RPS6KA2: variants seen among roughly 807,000 people sequenced by gnomAD.
RPS6KA2 encodes the protein ribosomal protein S6 kinase A2.
RPS6KA2 carries 42 observed loss-of-function variants against 91.8 expected under a neutral mutation model. The ratio of observed to expected loss-of-function variants is 0.46; its 90% confidence interval spans 0.36 to 0.59. The LOEUF (loss-of-function observed/expected upper bound fraction) is 0.59. RPS6KA2 is among the 20% of genes least tolerant of loss of function. The probability of loss-of-function intolerance (pLI) is 0.00; values close to 1 mark genes in which losing one functional copy is unlikely to be tolerated. For missense variants in RPS6KA2, 798 were observed against 978.5 expected (o/e 0.82, Z 2.46); for synonymous variants, 414 against 393.6 (o/e 1.05, Z -0.61).
At chr6:166,517,455 G>GTTTTGTTT (rs1562550744) in intron 3 of RPS6KA2, among the ~76,000 whole-genome samples, 3 of 104,936 alleles carry the variant, frequency 2.9e-5, no homozygotes, top group African/African-American at 1.3e-4. Flanking sequence ...CTTTTGTTTT[G>GTTTTGTTT]TTTTTTTTTT....
At chr6:166,756,177 C>T (rs1287182426) in intron 2 of RPS6KA2, among the ~76,000 whole-genome samples, 1 of 152,074 alleles carries the variant, frequency 6.6e-6, no homozygotes, top group Non-Finnish European at 1.5e-5. Context: ...GTAGTCCCAG[C>T]TACTCGGGAG....
chr6:166,700,446 T>TA lies in RPS6KA2; in HGVS notation c.123+157753dup, dbSNP rs1299739953. 1.1e-4 allele frequency among the ~76,000 whole-genome samples: 16 copies of TA among 152,198 alleles called. No homozygotes were observed. The South Asian group carries it at 2.9e-3, about 28-fold the overall frequency. On this transcript the variant is annotated intron_variant, in intron 2 of 21. Coordinates refer to the RPS6KA2 transcript ENST00000503859. ...GCTGTTAAATTTTAAATTTATTTTT[T>TA]AAAAAACGGTTGGACTTCTATCATT...
chr6:166,807,280 A>G (rs1437632053), intron 2 of RPS6KA2, among the ~76,000 whole-genome samples: 1 of 152,070 alleles, frequency 6.6e-6, no homozygotes, highest in Non-Finnish European at 1.5e-5. Context: ...CTTTCCTGAC[A>G]CTCGTGATCA....
chr6:166,625,330 C>G, intron 1 of RPS6KA2, among the ~76,000 whole-genome samples: 1 of 38,058 alleles, frequency 2.6e-5, no homozygotes, highest in Non-Finnish European at 4.6e-5. Context: ...ACCACCCCCC[C>G]ACCCCCCCCC....
At chr6:166,713,367 G>A (rs148556727) in intron 2 of RPS6KA2, among the ~76,000 whole-genome samples, 277 of 152,326 alleles carry the variant, frequency 1.8e-3, no homozygotes, top group Non-Finnish European at 3.3e-3. Context: ...TAAATAAAAT[G>A]AGAGAAAAGT....
intron 11 of RPS6KA2, among the ~76,000 whole-genome samples, chr6:166,467,922 AT>A (rs1780603794): frequency 6.6e-6 from 1 of 152,254 alleles, no homozygotes. Flanking sequence ...GAAGCAGATC[AT>A]ACGGGGAGAA....
chr6:166,566,573 A>G (rs3778396), intron 1 of RPS6KA2, among the ~76,000 whole-genome samples: 23,151 of 152,198 alleles, frequency 0.15, 2,021 homozygotes, highest in East Asian at 0.25. Context: ...CCCAAGCTCC[A>G]TGCGATGCTA....
At chr6:166,578,609 G>C (rs1425024488) in intron 1 of RPS6KA2, among the ~76,000 whole-genome samples, 1 of 152,218 alleles carries the variant, frequency 6.6e-6, no homozygotes, top group African/African-American at 2.4e-5. Flanking sequence ...TTTAACAAAT[G>C]ATGGCTTAAA....
At chr6:166,808,988 T>C (rs529493129) in intron 2 of RPS6KA2, among the ~76,000 whole-genome samples, 11 of 152,318 alleles carry the variant, frequency 7.2e-5, no homozygotes, top group African/African-American at 2.6e-4. Context: ...ATAGTGATGG[T>C]AATAGTAATC....
chr6:166,656,243 T>G (rs1787998208), intron 2 of RPS6KA2, among the ~76,000 whole-genome samples: 1 of 150,124 alleles, frequency 6.7e-6, no homozygotes. Context: ...GACAGAGGGG[T>G]CTGGCGTTAG....
intron 2 of RPS6KA2, among the ~76,000 whole-genome samples, chr6:166,834,847 T>G (rs867051016): frequency 2.0e-5 from 3 of 151,868 alleles, no homozygotes; most frequent in South Asian, 2.1e-4. Context: ...ATTTATTTAT[T>G]TATTTATTTA....
intron 16 of RPS6KA2, among the ~76,000 whole-genome samples, chr6:166,426,478 A>T (rs1271454175): frequency 1.2e-5 from 1 of 82,826 alleles, no homozygotes. Context: ...GAATAGAGAC[A>T]CAAAAAGCCC....
rs201408871 is a variant in RPS6KA2, at chr6:166,697,099, G to A, written c.124-158315C>T. 3.7e-5 allele frequency among the ~76,000 whole-genome samples: 3 copies of A among 81,172 alleles called. No individual in the cohort carries two copies. The East Asian group carries it at 6.9e-4, about 19-fold the overall frequency. 53.3% of individuals were successfully genotyped at this position (81,172 alleles called of 152,430 possible). On this transcript the variant is annotated intron_variant, in intron 2 of 21. Transcript: ENST00000503859. ...TGTGTGTATTTGTATGTGTGTATAT[G>A]TGTGTGTGTATGGATACAAATATAG...
intron 3 of RPS6KA2, among the ~76,000 whole-genome samples, chr6:166,529,355 G>T (rs997354509): frequency 2.0e-5 from 3 of 152,138 alleles, no homozygotes; most frequent in African/African-American, 7.2e-5. Flanking sequence ...TTCACTCATA[G>T]GTGGGAATTG....
intron 2 of RPS6KA2, among the ~76,000 whole-genome samples, chr6:166,747,851 CA>C (rs1263118186): frequency 6.6e-6 from 1 of 152,224 alleles, no homozygotes. Context: ...CAGGATGGCA[CA>C]GGGGCCTCCT....
At chr6:166,654,518 TGA>T (rs35378396) in intron 2 of RPS6KA2, among the ~76,000 whole-genome samples, 9,165 of 152,236 alleles carry the variant, frequency 0.06, 572 homozygotes, top group African/African-American at 0.16. Context: ...TTTACTCGCC[TGA>T]GAGATTCAGT....
chr6:166,798,394 G>A (rs1779277723), intron 2 of RPS6KA2, among the ~76,000 whole-genome samples: 1 of 152,212 alleles, frequency 6.6e-6, no homozygotes, highest in Non-Finnish European at 1.5e-5. Flanking sequence ...AACTACCAAA[G>A]GTGGACAACT....
chr6:166,747,040 G>A (rs553976704), intron 2 of RPS6KA2, among the ~76,000 whole-genome samples: 69 of 152,316 alleles, frequency 4.5e-4, no homozygotes, highest in African/African-American at 1.2e-3. Context: ...TCAGTAATCC[G>A]AAGCTCCCCA....
chr6:166,626,859 C>T lies in RPS6KA2; in HGVS notation c.99+62G>A, dbSNP rs1583342063. The T allele has an allele frequency of 7.6e-7, 1 of 1,321,802 alleles. No homozygotes were observed. The highest frequency in any genetic ancestry group is 9.8e-7 in the Non-Finnish European group (1 of 1,020,056). 81.9% of individuals were successfully genotyped at this position (1,321,802 alleles called of 1,614,324 possible). A position where few individuals can be genotyped will look rare whatever the true frequency, so the allele number is the denominator to read the frequency against. On this transcript the variant is annotated intron_variant, in intron 1 of 20. Transcript: ENST00000265678. This position sits in a 1 kb window ranked among gnomAD's most constrained non-coding sequence, Gnocchi z 4.1. ...GTCCACCCAGGGGTGGCGAGGCGGGCTCGGGCGACCACGGCCCGCTCAGTG... is the reference window on the plus strand; with the variant it reads ...GTCCACCCAGGGGTGGCGAGGCGGGTTCGGGCGACCACGGCCCGCTCAGTG...
Sources: allele counts gnomAD v4.1 joint callset (sites outside exome capture counted in the v4.1 genomes callset), GRCh38; gene constraint gnomAD v4.1.1; non-coding constraint Gnocchi (gnomAD v3.1); transcripts MANE v1.5; gene names NCBI Gene and HGNC (gene_info 2026-07-23, HGNC 2026-07-21).